Variants in TNS1 observed in about 807,000 individuals in gnomAD.
The protein encoded by TNS1 is tensin 1.
A neutral mutation model predicts 168.6 loss-of-function variants in TNS1; 62 were observed. The observed-to-expected ratio is 0.37, with a 90% CI of 0.30 to 0.45. The LOEUF (loss-of-function observed/expected upper bound fraction) is 0.45. Ranked by LOEUF, TNS1 falls within the 20% of genes least tolerant of loss-of-function variation. The pLI is 1.00. For synonymous variants in TNS1, 934 were observed against 933.2 expected, an observed-to-expected ratio of 1.00 and a Z score of -0.02; for missense variants, 2,240 against 2,339.4, an observed-to-expected ratio of 0.96 and a Z score of 0.88.
chr2:217,809,906 C>T lies in TNS1; in HGVS notation c.5190G>A (p.Leu1730=). 1 of 1,613,534 alleles carries T rather than the reference C, an allele frequency of 6.2e-7. No individual in the cohort carries two copies. Among genetic ancestry groups the T allele is most frequent in the Non-Finnish European group, 8.5e-7 (1 of 1,179,674 alleles). ...TGGCAGCTGGCGTGGGGTCTGCAGC[C>T]AACGTCTCAGATGTGGCTTTAGAGA... The part of the protein sequence containing the change: ...QAISKATSET[L]AADPTPAATI... Residue 1730 remains leucine (L), a synonymous_variant, in exon 30 of 33, where the codon TTG becomes TTA. Transcript: ENST00000682258.
At chr2:217,862,994 C>T (rs1948926031) in intron 18 of TNS1, among the ~76,000 whole-genome samples, 1 of 150,438 alleles carries the variant, frequency 6.6e-6, no homozygotes, top group African/African-American at 2.5e-5. Context: ...GGGCCCCTCA[C>T]CCACACTGAG....
upstream of TNS1, among the ~76,000 whole-genome samples, chr2:218,004,084 A>C (rs1431315662): frequency 1.3e-5 from 2 of 152,200 alleles, no homozygotes; most frequent in African/African-American, 4.8e-5. Flanking sequence ...TGGCTGGACC[A>C]ACTGAGGGTG....
At position 217,813,897 on chromosome 2, in the gene TNS1, C is replaced by A; in HGVS notation, c.4730-81G>T. ...TTTACTTAAGTCTCATTGAGCCTAC[C>A]GACCTTCGTTCTTTCTTAGGTGAGA... On this transcript the variant is annotated intron_variant, in intron 25 of 32. Coordinates refer to ENST00000682258, the MANE Select transcript of TNS1 (RefSeq NM_001387777.1). The surrounding 1 kb of genome is among the most constrained non-coding windows in gnomAD (Gnocchi z 4.0). 1 of 1,439,812 alleles carries A rather than the reference C, an allele frequency of 6.9e-7. No homozygotes were observed. The highest frequency in any genetic ancestry group is 9.1e-7 in the Non-Finnish European group (1 of 1,093,056). 89.2% of individuals were successfully genotyped at this position (1,439,812 alleles called of 1,614,324 possible). A position where few individuals can be genotyped will look rare whatever the true frequency, so the allele number is the denominator to read the frequency against.
intron 4 of TNS1, among the ~76,000 whole-genome samples, chr2:217,912,790 T>C (rs1304982890): frequency 6.6e-6 from 1 of 152,164 alleles, no homozygotes; most frequent in Non-Finnish European, 1.5e-5. Flanking sequence ...GAGAGCCCTC[T>C]ATCAACAGCC....
intron 18 of TNS1, chr2:217,849,648 C>T (rs1947194783): frequency 2.0e-6 from 2 of 985,272 alleles, no homozygotes; most frequent in African/African-American, 3.5e-5. Flanking sequence ...CCTCAGTCCC[C>T]TCCGCCACCC....
chr2:217,985,891 C>T (rs778651138), intron 2 of TNS1, among the ~76,000 whole-genome samples: 1 of 152,152 alleles, frequency 6.6e-6, no homozygotes, highest in African/African-American at 2.4e-5. Context: ...AACCACAGCT[C>T]CTCTGACTGA....
At chr2:217,841,041 A>G (rs916642618) in intron 19 of TNS1, among the ~76,000 whole-genome samples, 9 of 152,220 alleles carry the variant, frequency 5.9e-5, no homozygotes, top group Non-Finnish European at 8.8e-5. Flanking sequence ...TGGAAACCAG[A>G]GAACAACAGA....
Position 218,018,907 on chromosome 2 carries a change from T to C in TNS1, c.156+14913A>G, listed in dbSNP as rs150470233. ...GCCTTGCCCGCATGGTGAAACTCCA[T>C]CTCTACTAAAAATACAAAAATTAGA... On this transcript the variant is annotated intron_variant, in intron 1 of 1. Coordinates refer to the TNS1 transcript ENST00000649572. Among the ~76,000 whole-genome samples the C allele has an allele frequency of 2.2e-3, 336 of 152,136 alleles. 1 individual carries two copies. Among genetic ancestry groups the C allele is most frequent in the African/African-American group, 7.3e-3 (304 of 41,518 alleles).
chr2:217,988,189 G>A (rs1482299407), intron 2 of TNS1, among the ~76,000 whole-genome samples: 1 of 152,172 alleles, frequency 6.6e-6, no homozygotes, highest in Non-Finnish European at 1.5e-5. Context: ...CCAGAGCCCA[G>A]CCAGAGCTGC....
intron 19 of TNS1, among the ~76,000 whole-genome samples, chr2:217,839,193 G>A (rs541192129): frequency 4.6e-5 from 7 of 152,304 alleles, no homozygotes; most frequent in Middle Eastern, 3.4e-3. Flanking sequence ...GCAGGAGGCC[G>A]TGTGGCCAGA....
At chr2:217,850,551 A>G (rs934794640) in intron 18 of TNS1, 109 of 984,430 alleles carry the variant, frequency 1.1e-4, no homozygotes, top group Non-Finnish European at 1.3e-4. Flanking sequence ...CACACCCTGT[A>G]CAGTCAGCAG....
intron 4 of TNS1, among the ~76,000 whole-genome samples, chr2:217,908,939 G>T (rs1355174346): frequency 6.6e-6 from 1 of 152,184 alleles, no homozygotes; most frequent in African/African-American, 2.4e-5. Context: ...GGCACGTTCT[G>T]CCCTCTCTCA....
chr2:218,004,377 C>A (rs13386813), upstream of TNS1, among the ~76,000 whole-genome samples: 51 of 152,110 alleles, frequency 3.4e-4, no homozygotes, highest in Non-Finnish European at 5.2e-4. Context: ...CTCCCCCCCC[C>A]ACTCACCCAA....
chr2:217,899,491 C>T (rs930519478), intron 7 of TNS1, among the ~76,000 whole-genome samples: 20 of 152,264 alleles, frequency 1.3e-4, no homozygotes, highest in African/African-American at 3.9e-4. Flanking sequence ...TGCAGCATCC[C>T]CTCCTCCCCA....
chr2:217,836,344 T>A (rs1320843643), intron 19 of TNS1, 133 bp from the exon 20 acceptor site: 4 of 848,874 alleles, frequency 4.7e-6, no homozygotes. Flanking sequence ...CATCCCCCAT[T>A]GTCTTCCCCT....
intron 2 of TNS1, 196 bp from the exon 3 acceptor site, chr2:217,978,998 C>A: frequency 3.9e-6 from 2 of 516,800 alleles, no homozygotes; most frequent in Admixed American, 3.0e-5. Flanking sequence ...CGGGAGTGCC[C>A]GGGACTGAGG....
intron 3 of TNS1, among the ~76,000 whole-genome samples, chr2:217,939,576 A>G (rs1230996297): frequency 6.6e-6 from 1 of 152,156 alleles, no homozygotes; most frequent in Non-Finnish European, 1.5e-5. Context: ...TCCCTGGGGG[A>G]AATGGACCCA....
chr2:217,910,018 G>A (rs1013680580), intron 4 of TNS1, among the ~76,000 whole-genome samples: 3 of 152,098 alleles, frequency 2.0e-5, no homozygotes, highest in Non-Finnish European at 4.4e-5. Flanking sequence ...CTCTAGCCTC[G>A]GGGCAGCACC....
At chr2:217,916,344 C>T (rs115534706) in intron 4 of TNS1, among the ~76,000 whole-genome samples, 1,756 of 151,834 alleles carry the variant, frequency 0.012, 35 homozygotes, top group African/African-American at 0.037. Context: ...TCTACAGGGA[C>T]GTTCCAAGCC....
Sources: allele counts gnomAD v4.1 joint callset (sites outside exome capture counted in the v4.1 genomes callset), GRCh38; gene constraint gnomAD v4.1.1; non-coding constraint Gnocchi (gnomAD v3.1); transcripts MANE v1.5; gene names NCBI Gene and HGNC (gene_info 2026-07-23, HGNC 2026-07-21).